Variants in ARMH4 observed in about 807,000 individuals in gnomAD.
ARMH4 encodes the protein armadillo-like helical domain-containing protein 4.
Under a neutral mutation model 61.9 loss-of-function variants are expected in ARMH4, and 49 were observed. That is an observed-to-expected ratio of 0.79 (90% CI 0.63 to 1.00). The LOEUF (loss-of-function observed/expected upper bound fraction) is 1.00. Among genes scored for constraint, ARMH4 ranks in the 50% least tolerant of loss-of-function variants. The pLI is 0.00. For synonymous variants in ARMH4, 368 were observed against 341.5 expected (o/e 1.08, Z -0.85); for missense variants, 934 against 930.0 (o/e 1.00, Z -0.06).
At chr14:58,050,113 T>C (rs1884086490) in intron 5 of ARMH4, among the ~76,000 whole-genome samples, 1 of 152,226 alleles carries the variant, frequency 6.6e-6, no homozygotes, top group Non-Finnish European at 1.5e-5. Flanking sequence ...TGAGGTCCCA[T>C]GGCATGACAT....
At chr14:58,137,427 C>T (rs1175538203) in intron 2 of ARMH4, among the ~76,000 whole-genome samples, 1 of 151,878 alleles carries the variant, frequency 6.6e-6, no homozygotes, top group Admixed American at 6.6e-5. Flanking sequence ...GAGGGAGTTT[C>T]ACTCTTGTCA....
chr14:58,102,990 G>A (rs528273375), intron 4 of ARMH4, among the ~76,000 whole-genome samples: 81 of 151,888 alleles, frequency 5.3e-4, no homozygotes, highest in African/African-American at 1.8e-3. Flanking sequence ...AAAATTAGCT[G>A]GACGTGGTGA....
intron 4 of ARMH4, chr14:58,101,388 C>T (rs1885970447): frequency 6.6e-6 from 1 of 151,952 alleles, no homozygotes; most frequent in African/African-American, 2.4e-5. Flanking sequence ...CAAACAAAGA[C>T]CAAAAAAGAG....
chr14:58,116,775 G>A (rs532286437), intron 4 of ARMH4, among the ~76,000 whole-genome samples: 4 of 152,160 alleles, frequency 2.6e-5, no homozygotes, highest in African/African-American at 7.2e-5. Context: ...CCTATATCTG[G>A]TTAACAAGCT....
chr14:58,090,810 G>A (rs1179388741), intron 5 of ARMH4, among the ~76,000 whole-genome samples: 2 of 150,820 alleles, frequency 1.3e-5, no homozygotes, highest in African/African-American at 4.9e-5. Flanking sequence ...AACCCGAGAG[G>A]TGGAGGTTGC....
intron 4 of ARMH4, among the ~76,000 whole-genome samples, chr14:58,120,943 C>T (rs913327755): frequency 3.3e-5 from 5 of 152,044 alleles, no homozygotes; most frequent in African/African-American, 1.2e-4. Context: ...AATGTTATGC[C>T]AGAGTCAAGT....
intron 5 of ARMH4, among the ~76,000 whole-genome samples, chr14:58,019,797 AT>A (rs1209034621): frequency 6.6e-6 from 1 of 152,134 alleles, no homozygotes; most frequent in Non-Finnish European, 1.5e-5. Context: ...TCTCAAAAAA[AT>A]AATAATAAAA....
At chr14:58,065,925 T>C (rs1884686261) in intron 5 of ARMH4, among the ~76,000 whole-genome samples, 1 of 152,200 alleles carries the variant, frequency 6.6e-6, no homozygotes, top group Non-Finnish European at 1.5e-5. Flanking sequence ...TCCCTCAGTC[T>C]TACAGCTGTC....
intron 4 of ARMH4, among the ~76,000 whole-genome samples, chr14:58,111,367 T>A (rs552991823): frequency 1.3e-5 from 2 of 152,262 alleles, no homozygotes; most frequent in East Asian, 3.9e-4. Flanking sequence ...AAGCATTTGA[T>A]AAAAATCCAA....
intron 5 of ARMH4, among the ~76,000 whole-genome samples, chr14:58,049,495 G>A (rs1361678294): frequency 6.6e-6 from 1 of 152,124 alleles, no homozygotes; most frequent in Non-Finnish European, 1.5e-5. Flanking sequence ...AGAATGAAAT[G>A]TTTTGAACCT....
intron 5 of ARMH4, among the ~76,000 whole-genome samples, chr14:58,052,145 A>C (rs998419286): frequency 6.6e-6 from 1 of 152,066 alleles, no homozygotes; most frequent in African/African-American, 2.4e-5. Flanking sequence ...CTTCGGATTC[A>C]CTTAAACTTT....
chr14:58,047,140 T>A (rs529267844), intron 5 of ARMH4, among the ~76,000 whole-genome samples: 2 of 152,212 alleles, frequency 1.3e-5, no homozygotes, highest in Admixed American at 6.5e-5. Context: ...ATCATGGTCA[T>A]CATTGCATAA....
chr14:58,052,754 T>G (rs74950324), intron 5 of ARMH4, among the ~76,000 whole-genome samples: 2 of 152,302 alleles, frequency 1.3e-5, no homozygotes, highest in East Asian at 3.9e-4. Flanking sequence ...TACCATCCAA[T>G]GCTGGCTGCA....
intron 4 of ARMH4, among the ~76,000 whole-genome samples, chr14:58,099,377 G>A (rs1885877035): frequency 1.3e-5 from 2 of 152,190 alleles, no homozygotes; most frequent in African/African-American, 4.8e-5. Flanking sequence ...GTAACCACCA[G>A]GGTGGGAGAA....
chr14:58,130,315 T>G (rs1056332459), intron 4 of ARMH4, among the ~76,000 whole-genome samples: 1 of 152,224 alleles, frequency 6.6e-6, no homozygotes, highest in African/African-American at 2.4e-5. Context: ...TCCTAAAATG[T>G]CATGTTCCTC....
intron 4 of ARMH4, among the ~76,000 whole-genome samples, chr14:58,099,489 G>A (rs1885881898): frequency 6.6e-6 from 1 of 152,140 alleles, no homozygotes; most frequent in Non-Finnish European, 1.5e-5. Flanking sequence ...ACATTGGGAG[G>A]GCACGGGGGA....
At chr14:58,016,288 T>C (rs1253443075) in intron 5 of ARMH4, among the ~76,000 whole-genome samples, 1 of 152,180 alleles carries the variant, frequency 6.6e-6, no homozygotes, top group Non-Finnish European at 1.5e-5. Flanking sequence ...TAGAGTATTA[T>C]ATGAAAATAA....
intron 4 of ARMH4, among the ~76,000 whole-genome samples, chr14:58,123,048 C>G (rs908402156): frequency 6.6e-6 from 1 of 152,182 alleles, no homozygotes; most frequent in Non-Finnish European, 1.5e-5. Flanking sequence ...TCCTCCAGAT[C>G]TGTCACTATC....
chr14:58,045,187 C>G (rs1415269939), intron 5 of ARMH4, among the ~76,000 whole-genome samples: 1 of 152,150 alleles, frequency 6.6e-6, no homozygotes, highest in Non-Finnish European at 1.5e-5. Context: ...GCACTACTCA[C>G]AATAGCAAAG....
Sources: allele counts gnomAD v4.1 joint callset (sites outside exome capture counted in the v4.1 genomes callset), GRCh38; gene constraint gnomAD v4.1.1; transcripts MANE v1.5; gene names NCBI Gene and HGNC (gene_info 2026-07-23, HGNC 2026-07-21).